Variants in DOCK4 observed in about 807,000 individuals in gnomAD.
DOCK4 encodes dedicator of cytokinesis protein 4.
DOCK4 carries 97 observed loss-of-function variants against 268.1 expected under a neutral mutation model. The observed-to-expected ratio is 0.36, with a 90% CI of 0.31 to 0.43. The LOEUF (loss-of-function observed/expected upper bound fraction) is 0.43. DOCK4 is among the 20% of genes least tolerant of loss of function. The pLI, the probability that DOCK4 is intolerant of heterozygous loss-of-function variation, is 1.00. For missense variants in DOCK4, 2,145 were observed against 2,455.7 expected, an observed-to-expected ratio of 0.87 and a Z score of 2.67; for synonymous variants, 954 against 887.2, an observed-to-expected ratio of 1.08 and a Z score of -1.34.
intron 25 of DOCK4, among the ~76,000 whole-genome samples, chr7:111,836,036 A>G (rs1159825749): frequency 6.6e-6 from 1 of 152,184 alleles, no homozygotes; most frequent in Non-Finnish European, 1.5e-5. Context: ...TGAACATGGG[A>G]ATCCTTGATA....
chr7:112,053,085 T>C (rs947532603), intron 1 of DOCK4, among the ~76,000 whole-genome samples: 1 of 152,222 alleles, frequency 6.6e-6, no homozygotes, highest in East Asian at 1.9e-4. Flanking sequence ...AATATGATTC[T>C]GTTCTCTTAA....
intron 1 of DOCK4, among the ~76,000 whole-genome samples, chr7:112,196,142 C>T (rs1319488679): frequency 1.3e-5 from 2 of 152,238 alleles, no homozygotes; most frequent in East Asian, 1.9e-4. Flanking sequence ...ACCTGGATCT[C>T]GAACCTCTCT....
intron 19 of DOCK4, 61 bp from the exon 20 acceptor site, chr7:111,872,151 T>C (rs1229933258): frequency 7.1e-5 from 103 of 1,442,204 alleles, no homozygotes; most frequent in Non-Finnish European, 8.6e-5. Context: ...CCTTTTTTTT[T>C]TGCTTCTTTT....
chr7:111,918,925 C>A (rs906552336), intron 12 of DOCK4, among the ~76,000 whole-genome samples: 15 of 152,054 alleles, frequency 9.9e-5, no homozygotes, highest in African/African-American at 3.6e-4. Flanking sequence ...AATGAATGAT[C>A]TGATCAGAGA....
At chr7:111,932,626 A>T (rs967536577) in intron 12 of DOCK4, among the ~76,000 whole-genome samples, 2 of 152,138 alleles carry the variant, frequency 1.3e-5, no homozygotes, top group African/African-American at 4.8e-5. Context: ...AAAAAAAAAA[A>T]TTTAATAGCA....
At chr7:111,784,615 CCA>C in intron 32 of DOCK4, 1 of 380,100 alleles carries the variant, frequency 2.6e-6, no homozygotes, top group Non-Finnish European at 5.2e-6. Context: ...AAGTACTGAA[CCA>C]CATCTCTCCT....
chr7:112,172,225 GC>G (rs139096592), intron 1 of DOCK4, among the ~76,000 whole-genome samples: 15,313 of 152,184 alleles, frequency 0.1, 944 homozygotes, highest in South Asian at 0.14. Flanking sequence ...ATTCTTAATA[GC>G]AATTTGGGGA....
chr7:112,143,751 C>G (rs868047572), intron 1 of DOCK4, among the ~76,000 whole-genome samples: 1 of 152,142 alleles, frequency 6.6e-6, no homozygotes, highest in Non-Finnish European at 1.5e-5. Context: ...CTACATGGGC[C>G]AAACCCAACC....
At chr7:111,869,754 T>G (rs1806262439) in intron 20 of DOCK4, 99 bp from the exon 21 acceptor site, 1 of 987,430 alleles carries the variant, frequency 1.0e-6, no homozygotes, top group African/African-American at 1.6e-5. Context: ...GGAGGTTTCT[T>G]TTCCCATCAG....
chr7:112,078,502 C>G (rs577343644), intron 1 of DOCK4, among the ~76,000 whole-genome samples: 3 of 152,080 alleles, frequency 2.0e-5, no homozygotes, highest in African/African-American at 7.2e-5. Flanking sequence ...CATAGAGAGA[C>G]GATTTAGGAA....
chr7:112,042,801 G>A (rs1804506569), intron 1 of DOCK4, among the ~76,000 whole-genome samples: 1 of 152,168 alleles, frequency 6.6e-6, no homozygotes. Flanking sequence ...ACGGTTGGGA[G>A]GTGGTGGGGC....
intron 30 of DOCK4, among the ~76,000 whole-genome samples, chr7:111,793,722 A>G (rs1563513718): frequency 6.6e-6 from 1 of 152,150 alleles, no homozygotes; most frequent in Non-Finnish European, 1.5e-5. Flanking sequence ...TAGTATCAAG[A>G]AAAAACAAAG....
chr7:112,096,398 G>A (rs766000051), intron 1 of DOCK4, among the ~76,000 whole-genome samples: 12 of 151,936 alleles, frequency 7.9e-5, no homozygotes, highest in Non-Finnish European at 1.6e-4. Context: ...GCACAGGCTG[G>A]TCTCCAACTC....
At chr7:112,019,428 A>G (rs1374174931) in intron 1 of DOCK4, among the ~76,000 whole-genome samples, 1 of 152,218 alleles carries the variant, frequency 6.6e-6, no homozygotes, top group African/African-American at 2.4e-5. Context: ...ACAAATAGTT[A>G]TAACTATATT....
At chr7:111,829,295 T>C (rs566062178) in intron 26 of DOCK4, among the ~76,000 whole-genome samples, 16 of 152,332 alleles carry the variant, frequency 1.1e-4, no homozygotes, top group African/African-American at 2.9e-4. Context: ...TAAGAAAGTT[T>C]ATTAAAGTTT....
chr7:111,989,197 C>G (rs1586583844), intron 5 of DOCK4, 34 bp from the exon 6 acceptor site: 9 of 1,612,270 alleles, frequency 5.6e-6, no homozygotes, highest in African/African-American at 1.3e-5. Context: ...ATTTGGCAGT[C>G]AGTACCTATA....
At chr7:111,764,504 A>C (rs1452361469) in intron 39 of DOCK4, among the ~76,000 whole-genome samples, 3 of 152,210 alleles carry the variant, frequency 2.0e-5, no homozygotes, top group Non-Finnish European at 4.4e-5. Flanking sequence ...ATACTGAAGT[A>C]TTCAATAAAT....
chr7:112,142,487 C>T (rs1815027519), intron 1 of DOCK4, among the ~76,000 whole-genome samples: 1 of 152,194 alleles, frequency 6.6e-6, no homozygotes, highest in South Asian at 2.1e-4. Flanking sequence ...AGGTACAACA[C>T]TGTCTCAGGA....
chr7:111,923,600 GA>G (rs1026912645), intron 12 of DOCK4, among the ~76,000 whole-genome samples: 2 of 152,008 alleles, frequency 1.3e-5, no homozygotes, highest in African/African-American at 4.8e-5. Flanking sequence ...AATTTATCCA[GA>G]TATAACTTTA....
Sources: allele counts gnomAD v4.1 joint callset (sites outside exome capture counted in the v4.1 genomes callset), GRCh38; gene constraint gnomAD v4.1.1; transcripts MANE v1.5; gene names NCBI Gene and HGNC (gene_info 2026-07-23, HGNC 2026-07-21).